Variants in GPR157 observed in about 807,000 individuals in gnomAD.
GPR157 encodes G-protein coupled receptor 157.
GPR157 carries 16 observed loss-of-function variants against 23.5 expected under a neutral mutation model. The ratio of observed to expected loss-of-function variants is 0.68; its 90% CI spans 0.46 to 1.04. The LOEUF (loss-of-function observed/expected upper bound fraction) is 1.04, where lower values mean the gene tolerates loss of function less well. GPR157 is among the 50% of genes least tolerant of loss of function. The pLI is 0.00. For synonymous variants in GPR157, 200 were observed against 221.5 expected, an observed-to-expected ratio of 0.90 and a Z score of 0.86; for missense variants, 440 against 460.7, an observed-to-expected ratio of 0.96 and a Z score of 0.41.
chr1:9,123,467 T>A (rs1462494524), intron 1 of GPR157, among the ~76,000 whole-genome samples: 2 of 118,254 alleles, frequency 1.7e-5, no homozygotes, highest in Non-Finnish European at 3.2e-5. Context: ...ATATATTTAA[T>A]TTAAATATAT....
At chr1:9,123,666 T>C (rs1225063317) in intron 1 of GPR157, among the ~76,000 whole-genome samples, 2 of 116,036 alleles carry the variant, frequency 1.7e-5, no homozygotes, top group Non-Finnish European at 3.3e-5. Flanking sequence ...ATTAAATATA[T>C]ATTTAATATT....
Position 9,105,425 on chromosome 1 carries a change from G to A in GPR157, c.792+61C>T. The A allele has an allele frequency of 7.0e-7, 1 of 1,427,388 alleles. No individual in the cohort carries two copies. 88.4% of individuals were successfully genotyped at this position (1,427,388 alleles called of 1,614,324 possible). ...GGGTGCAGCCACTGTGCTGCGGGAAGGAATCAGGCTGTGCCTCCTCTGGGG... is the reference window on the plus strand; with the variant it reads ...GGGTGCAGCCACTGTGCTGCGGGAAAGAATCAGGCTGTGCCTCCTCTGGGG... On this transcript the variant is annotated intron_variant, in intron 3 of 3. Transcript: ENST00000377411. The surrounding 1 kb of genome is among the most constrained non-coding windows in gnomAD (Gnocchi z 4.8).
chr1:9,117,793 AAC>A (rs1638715539), intron 1 of GPR157, among the ~76,000 whole-genome samples: 1 of 151,960 alleles, frequency 6.6e-6, no homozygotes, highest in Non-Finnish European at 1.5e-5. Flanking sequence ...ACAAACAAAA[AAC>A]ACAAAAAAAC....
Position 9,104,395 on chromosome 1 carries a change from C to T in GPR157, c.*24G>A. 2.5e-6 allele frequency: 4 copies of T among 1,591,928 alleles called. No individual in the cohort carries two copies. In the Admixed American group the frequency reaches 5.0e-5, roughly 20 times the overall value. ...TACCCCCAGGAAGGCAGCACCTATG[C>T]ACAGAACTAGAAAGGACAAAAGCTC... On this transcript the variant is annotated 3_prime_UTR_variant, in exon 4 of 4. Coordinates refer to ENST00000377411, the MANE Select transcript of GPR157 (RefSeq NM_024980.5).
chr1:9,114,902 C>T (rs1638601109), intron 1 of GPR157, among the ~76,000 whole-genome samples: 1 of 119,578 alleles, frequency 8.4e-6, no homozygotes, highest in African/African-American at 3.3e-5. Context: ...GCCTGGGTGA[C>T]AGAGCGAGAC....
chr1:9,110,501 C>T (rs1422898531), intron 2 of GPR157, among the ~76,000 whole-genome samples: 7 of 152,084 alleles, frequency 4.6e-5, no homozygotes, highest in Non-Finnish European at 7.4e-5. Context: ...CCAACCTGGG[C>T]GACAGAGCAA....
intron 1 of GPR157, among the ~76,000 whole-genome samples, chr1:9,119,967 T>G (rs1171270078): frequency 6.6e-6 from 1 of 152,112 alleles, no homozygotes; most frequent in Non-Finnish European, 1.5e-5. Flanking sequence ...ATGCTCTCGG[T>G]TTCCCTGCCC....
Position 9,119,646 on chromosome 1 carries a change from C to T in GPR157, c.384-8157G>A, listed in dbSNP as rs1234112547. ...GGCGGTACTATCCCAGCTCCTAGGG[C>T]CCCCAATCTCAGAGGTCAGGGATGA... is the stretch of plus-strand genomic sequence containing the variant. On this transcript the variant is annotated intron_variant, in intron 1 of 3. Coordinates refer to ENST00000377411, the MANE Select transcript of GPR157 (RefSeq NM_024980.5). Among the ~76,000 whole-genome samples the T allele has an allele frequency of 2.0e-5, 3 of 152,144 alleles. 1 individual carries two copies. The highest frequency in any genetic ancestry group is 2.9e-5 in the Non-Finnish European group (2 of 68,016).
At chr1:9,123,322 T>A (rs1294075153) in intron 1 of GPR157, among the ~76,000 whole-genome samples, 898 of 23,996 alleles carry the variant, frequency 0.037, 30 homozygotes, top group African/African-American at 0.13. Flanking sequence ...TATATTAAAA[T>A]ATATATATTT....
At chr1:9,116,150 T>TTA (rs1182014998) in intron 1 of GPR157, among the ~76,000 whole-genome samples, 26 of 32,350 alleles carry the variant, frequency 8.0e-4, no homozygotes, top group African/African-American at 2.9e-3. Flanking sequence ...ATATATTATA[T>TTA]TATATATATA....
intron 2 of GPR157, among the ~76,000 whole-genome samples, chr1:9,109,851 G>A (rs1215166058): frequency 2.0e-5 from 3 of 152,126 alleles, no homozygotes; most frequent in African/African-American, 4.8e-5. Flanking sequence ...AAGACACAAC[G>A]GGAGTGGAGG....
At chr1:9,111,178 C>G in intron 2 of GPR157, 98 bp downstream of exon 2, 5 of 1,100,632 alleles carry the variant, frequency 4.5e-6, no homozygotes, top group South Asian at 1.3e-5. Context: ...TCCCCAGAGA[C>G]GCAACCTGTC....
At chr1:9,109,920 C>T (rs1412151180) in intron 2 of GPR157, among the ~76,000 whole-genome samples, 1 of 152,116 alleles carries the variant, frequency 6.6e-6, no homozygotes, top group African/African-American at 2.4e-5. Flanking sequence ...TCAGAAATGG[C>T]TGCTGGGTAG....
chr1:9,104,695 T>C, intron 3 of GPR157, 61 bp from the exon 4 acceptor site: 2 of 1,267,640 alleles, frequency 1.6e-6, no homozygotes, highest in South Asian at 1.4e-5. Flanking sequence ...ACACACGCGC[T>C]GTTGCAATTA....
chr1:9,116,548 C>T (rs1477041096), intron 1 of GPR157, among the ~76,000 whole-genome samples: 1 of 145,168 alleles, frequency 6.9e-6, no homozygotes, highest in African/African-American at 2.6e-5. Context: ...TGAGACCAGC[C>T]TGACCAACAT....
intron 1 of GPR157, among the ~76,000 whole-genome samples, chr1:9,123,330 T>C: frequency 3.9e-5 from 1 of 25,418 alleles, no homozygotes; most frequent in African/African-American, 1.3e-4. Flanking sequence ...AATATATATA[T>C]TTAATTTAAA....
At chr1:9,126,146 C>T (rs1172532293) in intron 1 of GPR157, among the ~76,000 whole-genome samples, 3 of 152,150 alleles carry the variant, frequency 2.0e-5, no homozygotes, top group Non-Finnish European at 2.9e-5. Flanking sequence ...TTAGTAGAGA[C>T]GCGGTTTTGC....
rs1642593521 is a variant in GPR157 at position 9,103,564 on chromosome 1, T to C, written c.*855A>G. 6.6e-6 allele frequency: 1 copy of C among 152,178 alleles called. No homozygotes were observed. Among genetic ancestry groups the C allele is most frequent in the African/African-American group, 2.4e-5 (1 of 41,440 alleles). 9.4% of individuals were successfully genotyped at this position (152,178 alleles called of 1,614,324 possible). A position where few individuals can be genotyped will look rare whatever the true frequency, so the allele number is the denominator to read the frequency against. Reference sequence around the variant, plus strand: ...CAGAACCCCTCCCTACTCATCCCCTTTGGTCTCCCCAAGAAGAGGAGGATT... The same window carrying C: ...CAGAACCCCTCCCTACTCATCCCCTCTGGTCTCCCCAAGAAGAGGAGGATT... On this transcript the variant is annotated 3_prime_UTR_variant, in exon 4 of 4. Coordinates refer to ENST00000377411, the MANE Select transcript of GPR157 (RefSeq NM_024980.5).
intron 2 of GPR157, among the ~76,000 whole-genome samples, chr1:9,107,958 G>A (rs1322378763): frequency 1.3e-5 from 2 of 152,006 alleles, no homozygotes; most frequent in East Asian, 3.9e-4. Flanking sequence ...CAGGTGTGGT[G>A]GCACACACCT....
Sources: gnomAD v4.1 joint callset for allele counts (sites outside exome capture counted in the v4.1 genomes callset) on GRCh38, gnomAD v4.1.1 for gene constraint, Gnocchi (gnomAD v3.1) non-coding constraint, MANE v1.5 for transcripts, NCBI Gene and HGNC (gene_info 2026-07-23, HGNC 2026-07-21) for gene names.